Variants in SDHD observed in about 807,000 individuals in gnomAD.
SDHD encodes the protein succinate dehydrogenase complex subunit D.
SDHD carries 6 observed loss-of-function variants against 18.7 expected under a neutral mutation model. The observed-to-expected ratio is 0.32, with a 90% CI of 0.18 to 0.63. The LOEUF (loss-of-function observed/expected upper bound fraction) is 0.63. SDHD is among the 30% of genes least tolerant of loss of function. The probability of loss-of-function intolerance (pLI) is 0.79; values close to 1 mark genes in which losing one functional copy is unlikely to be tolerated. For missense variants in SDHD, 160 were observed against 192.7 expected (o/e 0.83, Z 1.00); for synonymous variants, 56 against 73.9 (o/e 0.76, Z 1.24).
At chr11:112,088,126 T>A in intron 2 of SDHD, 153 bp downstream of exon 2, 1 of 749,840 alleles carries the variant, frequency 1.3e-6, no homozygotes, top group Non-Finnish European at 2.4e-6. Flanking sequence ...GGGCAGACAG[T>A]GCCATTATGG....
At position 112,086,934 on chromosome 11, in the gene SDHD, C is replaced by G; in HGVS notation, c.27C>G (p.Ala9=). 1.2e-6 allele frequency: 2 copies of G among 1,614,172 alleles called. No homozygotes were observed. The highest frequency in any genetic ancestry group is 8.5e-7 in the Non-Finnish European group (1 of 1,180,028). MAVLWRLS[A]VCGALGGRAL... ...TGGCGGTTCTCTGGAGGCTGAGTGC[C>G]GTTTGCGGTGCCCTAGGAGGCCGAG... The change falls in exon 1 of 4, where the codon GCC becomes GCG. Residue 9 remains alanine (A), a synonymous_variant. Coordinates refer to ENST00000375549, the MANE Select transcript of SDHD (RefSeq NM_003002.4).
Position 112,086,916 on chromosome 11 carries a change from T to C in SDHD, c.9T>C (p.Val3=). 1 of 1,614,202 alleles carries C rather than the reference T, an allele frequency of 6.2e-7. No individual in the cohort carries two copies. Among genetic ancestry groups the C allele is most frequent in the Non-Finnish European group, 8.5e-7 (1 of 1,180,028 alleles). The change falls in exon 1 of 4, where the codon GTT becomes GTC. Residue 3 remains valine (V), a synonymous_variant. Coordinates refer to ENST00000375549, the MANE Select transcript of SDHD (RefSeq NM_003002.4). MA[V]LWRLSAVCGA... ...GAGCCCTCAGGAACGAGATGGCGGT[T>C]CTCTGGAGGCTGAGTGCCGTTTGCG...
In SDHD at chr11:112,088,177, T is replaced by C; in HGVS notation, c.169+204T>C. The stretch of plus-strand genomic sequence containing the variant: ...TATAATCATAGAAGACCTTCTAGCC[T>C]AAGTCTTTACAAATTTTTTTCTTTT... On this transcript the variant is annotated intron_variant, in intron 2 of 3. Transcript: ENST00000375549. The C allele has an allele frequency of 8.1e-6, 5 of 619,260 alleles. No individual in the cohort carries two copies. The South Asian group carries it at 9.1e-5, about 11-fold the overall frequency. The allele number at this position is 619,260 out of a possible 1,614,324, so 38.4% of individuals were successfully genotyped here. A position where few individuals can be genotyped will look rare whatever the true frequency, so the allele number is the denominator to read the frequency against.
intron 1 of SDHD, 35 bp from the exon 2 acceptor site, chr11:112,087,822 G>A (rs199756104): frequency 3.6e-6 from 5 of 1,373,822 alleles, no homozygotes; most frequent in Non-Finnish European, 5.2e-6. Context: ...TTAAAGGAGA[G>A]GTTCTTATGA....
At position 112,088,073 on chromosome 11, in the gene SDHD, C is replaced by T. The variant is rs915414891; in HGVS notation, c.169+100C>T. 43 of 857,266 alleles carry T rather than the reference C, an allele frequency of 5.0e-5. No homozygotes were observed. The Admixed American group carries it at 6.3e-4, about 12-fold the overall frequency. 53.1% of individuals were successfully genotyped at this position (857,266 alleles called of 1,614,324 possible). A position where few individuals can be genotyped will look rare whatever the true frequency, so the allele number is the denominator to read the frequency against. ...GGACTTCCTACCTGTAGGGGGGACT[C>T]TTGTGTCCAACTTTGTCAAATGAAG... On this transcript the variant is annotated intron_variant, in intron 2 of 3. Transcript: ENST00000375549.
At chr11:112,090,666 C>G (rs893774100) in intron 3 of SDHD, among the ~76,000 whole-genome samples, 1 of 151,864 alleles carries the variant, frequency 6.6e-6, no homozygotes, top group Non-Finnish European at 1.5e-5. Context: ...AGTGACTTGT[C>G]AGAATCATTT....
chr11:112,090,029 T>C (rs1811360148), intron 3 of SDHD, among the ~76,000 whole-genome samples: 1 of 152,210 alleles, frequency 6.6e-6, no homozygotes, highest in Non-Finnish European at 1.5e-5. Context: ...AGCCTAGAAC[T>C]ACTCTCTGGT....
Position 112,087,922 on chromosome 11 carries a change from A to C in SDHD, c.118A>C (p.Ile40Leu), listed in dbSNP as rs146276662. The C allele has an allele frequency of 4.7e-5, 76 of 1,613,874 alleles. No homozygotes were observed. Among genetic ancestry groups the C allele is most frequent in the Non-Finnish European group, 5.8e-5 (68 of 1,179,870 alleles). Residue 40 changes from isoleucine to leucine, a missense_variant, in exon 2 of 4, where the codon ATC (isoleucine) becomes CTC (leucine). Physicochemically the swap from Ile to Leu is conservative, Grantham distance 5. Transcript: ENST00000375549. ...HISAFLQDRPIPEWCGVQHIH... is the reference protein window; with the variant it reads ...HISAFLQDRPLPEWCGVQHIH... ...CTCAGCATTTCTTCAGGACCGACCT[A>C]TCCCAGAATGGTGTGGAGTGCAGCA...
At chr11:112,089,327 C>G (rs1865702629) in intron 3 of SDHD, among the ~76,000 whole-genome samples, 1 of 152,156 alleles carries the variant, frequency 6.6e-6, no homozygotes. Flanking sequence ...TTGTTCAAGT[C>G]TAAACCTGGT....
rs1340664447 is a variant in SDHD, at chr11:112,089,013, C to G, written c.314+2C>G. ...AGCCCTCACTCTTCATGGTCACTGG[C>G]AAGTATAGCAATTCCAAATATAGTT... On this transcript the variant is annotated splice_donor_variant, in intron 3 of 3. Transcript: ENST00000375549. LOFTEE classifies it high-confidence loss of function. The G allele has an allele frequency of 6.2e-7, 1 of 1,614,068 alleles. No homozygotes were observed. The highest frequency in any genetic ancestry group is 8.5e-7 in the Non-Finnish European group (1 of 1,179,946).
Position 112,094,814 on chromosome 11 carries a change from A to T in SDHD, c.324A>T (p.Gly108=). 8 of 1,611,930 alleles carry T rather than the reference A, an allele frequency of 5.0e-6. No homozygotes were observed. Among genetic ancestry groups the T allele is most frequent in the Non-Finnish European group, 6.8e-6 (8 of 1,179,814 alleles). Residue 108 remains glycine (G), a synonymous_variant, in exon 4 of 4, where the codon GGA becomes GGT. Coordinates refer to ENST00000375549, the MANE Select transcript of SDHD (RefSeq NM_003002.4). The stretch of plus-strand genomic sequence containing the variant: ...TTTTCTTTTTCTTTAGGGGCCTTGG[A>T]CAAGTTGTTACTGACTATGTTCATG... ...ALTLHGHWGL[G]QVVTDYVHGD...
intron 3 of SDHD, among the ~76,000 whole-genome samples, chr11:112,092,749 C>T (rs1304878147): frequency 4.6e-5 from 7 of 152,144 alleles, no homozygotes; most frequent in South Asian, 2.1e-4. Context: ...CCATCTGACT[C>T]GGCGATCTAC....
Position 112,090,184 on chromosome 11 carries a change from C to T in SDHD, c.314+1173C>T, listed in dbSNP as rs1865717733. Reference sequence around the variant, plus strand: ...GTGCAATGGTGTGATCTCAGCTCACCACAACCTCCGCCTCCCAGGTACAAG... The same window carrying T: ...GTGCAATGGTGTGATCTCAGCTCACTACAACCTCCGCCTCCCAGGTACAAG... On this transcript the variant is annotated intron_variant, in intron 3 of 3. Coordinates refer to ENST00000375549, the MANE Select transcript of SDHD (RefSeq NM_003002.4). 2.0e-5 allele frequency among the ~76,000 whole-genome samples: 3 copies of T among 152,152 alleles called. No homozygotes were observed. In the South Asian group the frequency reaches 6.2e-4, roughly 32 times the overall value.
chr11:112,090,612 C>T (rs555936052), intron 3 of SDHD, among the ~76,000 whole-genome samples: 1 of 152,204 alleles, frequency 6.6e-6, no homozygotes, highest in South Asian at 2.1e-4. Context: ...TCTTAACCAA[C>T]TCTTTTATTT....
chr11:112,088,786 T>A, intron 2 of SDHD, 81 bp from the exon 3 acceptor site: 2 of 1,473,266 alleles, frequency 1.4e-6, no homozygotes. Flanking sequence ...CCTGTCAGTT[T>A]GGGTTACTGT....
At chr11:112,087,471 G>A (rs1259488143) in intron 1 of SDHD, among the ~76,000 whole-genome samples, 1 of 152,190 alleles carries the variant, frequency 6.6e-6, no homozygotes, top group African/African-American at 2.4e-5. Flanking sequence ...TTCTGATGAG[G>A]AAAACACTGT....
At chr11:112,088,750 C>A (rs1865679842) in intron 2 of SDHD, 117 bp from the exon 3 acceptor site, 2 of 1,115,378 alleles carry the variant, frequency 1.8e-6, no homozygotes, top group Non-Finnish European at 2.7e-6. Context: ...CCTTTGTACT[C>A]AGAGTTATAT....
intron 2 of SDHD, chr11:112,088,604 C>A: frequency 1.9e-6 from 1 of 522,748 alleles, no homozygotes; most frequent in South Asian, 2.0e-5. Flanking sequence ...TGTTTTTTAT[C>A]CATCTTCTTG....
chr11:112,088,112 C>A, intron 2 of SDHD, 139 bp downstream of exon 2: 1 of 764,908 alleles, frequency 1.3e-6, no homozygotes, highest in South Asian at 1.4e-5. Flanking sequence ...TAGTTTACAC[C>A]TTTGGGCAGA....
Sources: allele counts gnomAD v4.1 joint callset (sites outside exome capture counted in the v4.1 genomes callset), GRCh38; gene constraint gnomAD v4.1.1; transcripts MANE v1.5; gene names NCBI Gene and HGNC (gene_info 2026-07-23, HGNC 2026-07-21).